Variants in FBXO34 observed in about 807,000 individuals in gnomAD.
FBXO34 encodes the protein F-box protein 34, also known as F-box only protein 34.
A neutral mutation model predicts 24.5 loss-of-function variants in FBXO34; 12 were observed. The observed-to-expected ratio is 0.49, with a 90% confidence interval of 0.31 to 0.79. The LOEUF (loss-of-function observed/expected upper bound fraction) is 0.79, where lower values mean the gene tolerates loss of function less well. Ranked by LOEUF, FBXO34 falls within the 30% of genes least tolerant of loss-of-function variation. The pLI is 0.04. For missense variants in FBXO34, 823 were observed against 857.7 expected, an observed-to-expected ratio of 0.96 and a Z score of 0.51; for synonymous variants, 320 against 311.9, an observed-to-expected ratio of 1.03 and a Z score of -0.27.
intron 1 of FBXO34, among the ~76,000 whole-genome samples, chr14:55,318,592 T>A (rs1056620134): frequency 1.3e-5 from 2 of 151,172 alleles, no homozygotes; most frequent in African/African-American, 4.9e-5. Flanking sequence ...CTCAAACTCC[T>A]GGCCTCAAGT....
At chr14:55,377,884 T>A in the FBXO34 span, 1 of 1,606,450 alleles carries the variant, frequency 6.2e-7, no homozygotes, top group Non-Finnish European at 8.5e-7. Flanking sequence ...GCAGTGGTTG[T>A]AATTGATCTA....
intron 3 of FBXO34, among the ~76,000 whole-genome samples, chr14:55,359,004 G>C (rs1274163330): frequency 6.6e-6 from 1 of 152,038 alleles, no homozygotes; most frequent in Non-Finnish European, 1.5e-5. Flanking sequence ...AGACATGGCA[G>C]GGAAGGAGCC....
At chr14:55,437,083 G>A in the FBXO34 span, 3 of 1,430,132 alleles carry the variant, frequency 2.1e-6, no homozygotes, top group South Asian at 3.5e-5. Context: ...ACACAAAAGG[G>A]ATGTCACTAT....
the FBXO34 span, among the ~76,000 whole-genome samples, chr14:55,383,524 C>CTGGG: frequency 6.6e-6 from 1 of 152,020 alleles, no homozygotes; most frequent in Non-Finnish European, 1.5e-5. Context: ...ACACTCCAGC[C>CTGGG]TGGGTGACAA....
At chr14:55,435,013 A>G in the FBXO34 span, among the ~76,000 whole-genome samples, 2 of 152,218 alleles carry the variant, frequency 1.3e-5, no homozygotes, top group South Asian at 2.1e-4. Context: ...CAAGCCATTG[A>G]AAACAGGATG....
intron 1 of FBXO34, among the ~76,000 whole-genome samples, chr14:55,331,673 ATATATATATATGTG>A (rs1255531063): frequency 1.5e-5 from 1 of 66,680 alleles, no homozygotes; most frequent in Non-Finnish European, 2.5e-5. Flanking sequence ...TGGTGTGTGT[ATATATATATATGTG>A]TATATATATA....
chr14:55,369,515 C>A, downstream of FBXO34: 1 of 1,157,318 alleles, frequency 8.6e-7, no homozygotes, highest in Admixed American at 2.5e-5. Flanking sequence ...ACTTTAACCT[C>A]TTTGTTCCAG....
chr14:55,386,563 A>T, the FBXO34 span, among the ~76,000 whole-genome samples: 2 of 152,246 alleles, frequency 1.3e-5, no homozygotes, highest in South Asian at 4.1e-4. Context: ...GTAGAGGAGA[A>T]GGGCAAGAGA....
chr14:55,328,515 C>G (rs1256295138), intron 1 of FBXO34, among the ~76,000 whole-genome samples: 1 of 152,226 alleles, frequency 6.6e-6, no homozygotes. Context: ...AGGAATGATT[C>G]TCATCCTGCA....
At chr14:55,323,184 CAAAAAAAAAAAAAAAAAAA>C (rs368380622) in intron 1 of FBXO34, among the ~76,000 whole-genome samples, 1 of 12,168 alleles carries the variant, frequency 8.2e-5, no homozygotes. Context: ...GACTCTGTCT[CAAAAAAAAAAAAAAAAAAA>C]AAAAAAAAAA....
chr14:55,273,175 T>G (rs992550680), intron 1 of FBXO34, among the ~76,000 whole-genome samples: 9 of 144,398 alleles, frequency 6.2e-5, no homozygotes, highest in African/African-American at 2.0e-4. Context: ...AATGGTACGG[T>G]TTTTTTTTTT....
At chr14:55,306,192 T>G (rs569273067) in intron 1 of FBXO34, among the ~76,000 whole-genome samples, 8 of 152,376 alleles carry the variant, frequency 5.3e-5, no homozygotes, top group Admixed American at 3.3e-4. Context: ...GCTTAATTGC[T>G]AAATGTTTTG....
the FBXO34 span, among the ~76,000 whole-genome samples, chr14:55,375,490 A>AATTTTTTTTTTTTTTTTTT: frequency 8.5e-6 from 1 of 117,798 alleles, no homozygotes; most frequent in Non-Finnish European, 1.7e-5. Flanking sequence ...GCCGGGCTAA[A>AATTTTTTTTTTTTTTTTTT]TTTTTTTTTT....
intron 1 of FBXO34, among the ~76,000 whole-genome samples, chr14:55,327,167 G>A (rs966285400): frequency 6.6e-6 from 1 of 152,304 alleles, no homozygotes; most frequent in Middle Eastern, 3.4e-3. Context: ...AGAGTGACAC[G>A]GGTAAATATC....
rs200938451 is a variant in FBXO34, at chr14:55,305,413, C to CA, written c.-11+33893dup. On this transcript the variant is annotated intron_variant, in intron 1 of 1. Coordinates refer to ENST00000313833, the MANE Select transcript of FBXO34 (RefSeq NM_017943.4). ...CTGGTGACAGAGTGGGACTGCATCT[C>CA]AAAAAAAAAAAAAAAAAGTCTTAGT... Among the ~76,000 whole-genome samples the CA allele has an allele frequency of 5.0e-3, 421 of 84,424 alleles. 1 individual carries two copies. The highest frequency in any genetic ancestry group is 0.014 in the Middle Eastern group (2 of 140). 55.4% of individuals were successfully genotyped at this position (84,424 alleles called of 152,430 possible).
intron 1 of FBXO34, among the ~76,000 whole-genome samples, chr14:55,294,665 G>A (rs1164525975): frequency 6.6e-6 from 1 of 152,170 alleles, no homozygotes; most frequent in African/African-American, 2.4e-5. Flanking sequence ...TATTTAAAAA[G>A]TAATTTTAAA....
At chr14:55,377,775 G>A in the FBXO34 span, 1 of 1,401,286 alleles carries the variant, frequency 7.1e-7, no homozygotes, top group Non-Finnish European at 9.8e-7. Context: ...CCTCTAACAG[G>A]ATTCACAAAA....
chr14:55,304,253 G>A (rs1197997660), intron 1 of FBXO34, among the ~76,000 whole-genome samples: 1 of 152,052 alleles, frequency 6.6e-6, no homozygotes, highest in Non-Finnish European at 1.5e-5. Flanking sequence ...TTTATGTTAG[G>A]AATAGCAGAT....
At chr14:55,435,772 C>T in the FBXO34 span, 1 of 1,084,854 alleles carries the variant, frequency 9.2e-7, no homozygotes, top group Admixed American at 2.8e-5. Flanking sequence ...AGGAATTAGT[C>T]AATATCATGA....
Sources: gnomAD v4.1 joint callset for allele counts (sites outside exome capture counted in the v4.1 genomes callset) on GRCh38, gnomAD v4.1.1 for gene constraint, MANE v1.5 for transcripts, NCBI Gene and HGNC (gene_info 2026-07-23, HGNC 2026-07-21) for gene names.